The following PHYHIPL variants were observed in gnomAD, a reference collection of about 807,000 sequenced individuals.
The protein encoded by PHYHIPL is phytanoyl-CoA 2-hydroxylase interacting protein like.
In PHYHIPL, 9 loss-of-function variants were observed where a neutral mutation model predicts 33.4. The observed-to-expected ratio is 0.27, with a 90% CI of 0.16 to 0.47. The LOEUF is 0.47. PHYHIPL is among the 20% of genes least tolerant of loss of function. PHYHIPL has a pLI of 0.99. For missense variants in PHYHIPL, 365 were observed against 460.7 expected, an observed-to-expected ratio of 0.79 and a Z score of 1.90; for synonymous variants, 153 against 154.1, an observed-to-expected ratio of 0.99 and a Z score of 0.05.
intron 1 of PHYHIPL, among the ~76,000 whole-genome samples, chr10:59,223,139 G>A (rs148854575): frequency 9.8e-4 from 149 of 152,268 alleles, no homozygotes; most frequent in African/African-American, 3.3e-3. Flanking sequence ...GCATAATGGA[G>A]GTATGTAATT....
At chr10:59,180,103 A>G (rs1487427474) in intron 1 of PHYHIPL, among the ~76,000 whole-genome samples, 1 of 151,642 alleles carries the variant, frequency 6.6e-6, no homozygotes. Flanking sequence ...AAAATGAAAG[A>G]GAAAATTTCT....
chr10:59,185,306 A>G (rs1006118824), intron 1 of PHYHIPL, among the ~76,000 whole-genome samples: 43 of 152,072 alleles, frequency 2.8e-4, no homozygotes, highest in African/African-American at 9.9e-4. Flanking sequence ...ATCATTTTTT[A>G]TGGCTGCATA....
At chr10:59,226,797 T>C (rs930025715) in intron 1 of PHYHIPL, among the ~76,000 whole-genome samples, 1 of 152,070 alleles carries the variant, frequency 6.6e-6, no homozygotes, top group African/African-American at 2.4e-5. Context: ...TAACTTCTAG[T>C]AAAAGATGGG....
chr10:59,236,801 A>C, intron 3 of PHYHIPL, 144 bp downstream of exon 3: 1 of 627,660 alleles, frequency 1.6e-6, no homozygotes, highest in Middle Eastern at 4.5e-4. Context: ...GTGTAACAGA[A>C]TAAACAATGT....
chr10:59,226,162 AAATT>A (rs1178224287), intron 1 of PHYHIPL, among the ~76,000 whole-genome samples: 4 of 152,282 alleles, frequency 2.6e-5, no homozygotes, highest in African/African-American at 9.6e-5. Context: ...GAACATTAGA[AAATT>A]AATAATGTTA....
intron 1 of PHYHIPL, among the ~76,000 whole-genome samples, chr10:59,181,643 T>A (rs1167016246): frequency 6.6e-6 from 1 of 152,204 alleles, no homozygotes; most frequent in Non-Finnish European, 1.5e-5. Context: ...CTAGGACACG[T>A]AGCATGTAGA....
chr10:59,242,326 C>A (rs1420845945), intron 4 of PHYHIPL, among the ~76,000 whole-genome samples: 1 of 152,084 alleles, frequency 6.6e-6, no homozygotes, highest in Non-Finnish European at 1.5e-5. Context: ...ACCCTCCTAC[C>A]CTGTGTCACC....
At chr10:59,196,390 C>T (rs1295003566) in intron 1 of PHYHIPL, among the ~76,000 whole-genome samples, 3 of 149,608 alleles carry the variant, frequency 2.0e-5, no homozygotes, top group African/African-American at 7.4e-5. Context: ...AAAGAAATGA[C>T]TGCACTTATG....
chr10:59,202,843 AAATC>A (rs111672758), intron 1 of PHYHIPL, among the ~76,000 whole-genome samples: 9 of 152,194 alleles, frequency 5.9e-5, no homozygotes, highest in African/African-American at 2.2e-4. Context: ...CTACAAAATA[AAATC>A]AATAAGTACC....
intron 1 of PHYHIPL, among the ~76,000 whole-genome samples, chr10:59,233,784 A>G (rs1294198735): frequency 6.6e-6 from 1 of 151,862 alleles, no homozygotes; most frequent in Non-Finnish European, 1.5e-5. Context: ...AAACATTTCT[A>G]GAGTTATCCT....
Position 59,245,727 on chromosome 10 carries a change from T to G in PHYHIPL, c.*136T>G. ...TGTCACCAAAACAAACAACTACCAC[T>G]TTCCAAATTTCATTCAGAACCATTT... On this transcript the variant is annotated 3_prime_UTR_variant, in exon 5 of 5. Transcript: ENST00000373880. 2.1e-6 allele frequency: 2 copies of G among 940,498 alleles called. No individual in the cohort carries two copies. Among genetic ancestry groups the G allele is most frequent in the Non-Finnish European group, 3.1e-6 (2 of 646,810 alleles). The allele number at this position is 940,498 out of a possible 1,614,324, so 58.3% of individuals were successfully genotyped here.
intron 1 of PHYHIPL, among the ~76,000 whole-genome samples, chr10:59,192,733 G>C (rs936661460): frequency 6.6e-6 from 1 of 152,126 alleles, no homozygotes; most frequent in Non-Finnish European, 1.5e-5. Context: ...GATCAAACTG[G>C]AAGTGTGGCA....
At chr10:59,203,274 C>T (rs555099379) in intron 1 of PHYHIPL, among the ~76,000 whole-genome samples, 2 of 152,290 alleles carry the variant, frequency 1.3e-5, no homozygotes, top group East Asian at 3.9e-4. Flanking sequence ...ACAACAGGTG[C>T]TGGAGAGGAT....
intron 3 of PHYHIPL, among the ~76,000 whole-genome samples, chr10:59,237,405 CT>C (rs1564459318): frequency 1.3e-5 from 2 of 151,844 alleles, no homozygotes; most frequent in South Asian, 2.1e-4. Flanking sequence ...TCATCCTTTC[CT>C]TTTGTCTTTT....
chr10:59,235,241 A>G (rs1375476753), intron 2 of PHYHIPL, among the ~76,000 whole-genome samples: 2 of 151,750 alleles, frequency 1.3e-5, no homozygotes, highest in African/African-American at 2.4e-5. Context: ...TTGAGAATGA[A>G]AATTATTAAC....
At chr10:59,188,356 T>A (rs1478482145) in intron 1 of PHYHIPL, among the ~76,000 whole-genome samples, 3 of 152,224 alleles carry the variant, frequency 2.0e-5, no homozygotes, top group Non-Finnish European at 4.4e-5. Context: ...TCTGTTCTTT[T>A]ACATTTGCTG....
chr10:59,218,073 G>T (rs554133963), intron 1 of PHYHIPL, among the ~76,000 whole-genome samples: 1 of 152,212 alleles, frequency 6.6e-6, no homozygotes, highest in Admixed American at 6.6e-5. Flanking sequence ...CCAAGTCCCT[G>T]AGCTAAGGAT....
chr10:59,184,613 G>T (rs16913278), intron 1 of PHYHIPL, among the ~76,000 whole-genome samples: 1 of 151,844 alleles, frequency 6.6e-6, no homozygotes, highest in African/African-American at 2.4e-5. Context: ...AGGCAGTGAC[G>T]GAAACAGGCC....
chr10:59,176,634 C>G (rs556230395), upstream of PHYHIPL: 112 of 432,704 alleles, frequency 2.6e-4, 2 homozygotes, highest in South Asian at 4.4e-3. Context: ...GGGTCCTGCT[C>G]GGTCTCTCAG....
Sources: gnomAD v4.1 joint callset for allele counts (sites outside exome capture counted in the v4.1 genomes callset) on GRCh38, gnomAD v4.1.1 for gene constraint, MANE v1.5 for transcripts, NCBI Gene and HGNC (gene_info 2026-07-23, HGNC 2026-07-21) for gene names.